The following SYNE1 variants were observed in gnomAD, a reference collection of about 807,000 sequenced individuals.
SYNE1 encodes nesprin-1.
Under a neutral mutation model 1,111.0 loss-of-function variants are expected in SYNE1, and 616 were observed. The observed-to-expected ratio is 0.55, with a 90% CI of 0.52 to 0.59. The LOEUF (loss-of-function observed/expected upper bound fraction) is 0.59, where lower values mean the gene tolerates loss of function less well. SYNE1 is among the 20% of genes least tolerant of loss of function. The pLI is 0.00. For synonymous variants in SYNE1, 3,855 were observed against 3,825.8 expected, an observed-to-expected ratio of 1.01 and a Z score of -0.28; for missense variants, 10,006 against 10,417.0, an observed-to-expected ratio of 0.96 and a Z score of 1.72.
In SYNE1 at chr6:152,505,352, G is replaced by C; in HGVS notation, c.627C>G (p.Ser209Arg). The C allele has an allele frequency of 1.2e-6, 2 of 1,613,982 alleles. No homozygotes were observed. Among genetic ancestry groups the C allele is most frequent in the Non-Finnish European group, 1.7e-6 (2 of 1,179,990 alleles). The change falls in exon 9 of 146, where the codon AGC (serine) becomes AGG (arginine). Residue 209 changes from serine to arginine, a missense_variant. Ser to Arg is a moderately radical substitution (Grantham distance 110). Around this residue, in one of 7 missense-constraint regions of SYNE1, gnomAD observed 1,971 missense variants for 2,084.1 expected, o/e 0.95. Transcript: ENST00000367255. ...EVKDFGKSWRSGVAFHSVIHA... is the reference protein window; with the variant it reads ...EVKDFGKSWRRGVAFHSVIHA... ...GAATAACTGAATGAAAGGCAACCCC[G>C]CTTCTCCAACTCTTCCCAAAATCTT... is the stretch of plus-strand genomic sequence containing the variant.
Position 152,236,352 on chromosome 6 carries a change from T to C in SYNE1, c.20200-49A>G, listed in dbSNP as rs751702776. On this transcript the variant is annotated intron_variant, in intron 109 of 145. Coordinates refer to ENST00000367255, the MANE Select transcript of SYNE1 (RefSeq NM_182961.4). The stretch of plus-strand genomic sequence containing the variant: ...TAAAAGTTTGGATATGCAATTTTTG[T>C]CTTTAAGAATTATAATTTCTCTGGT... 12 of 1,375,904 alleles carry C rather than the reference T, an allele frequency of 8.7e-6. No individual in the cohort carries two copies. In the Admixed American group the frequency reaches 1.1e-4, roughly 12 times the overall value. 85.2% of individuals were successfully genotyped at this position (1,375,904 alleles called of 1,614,324 possible). A position where few individuals can be genotyped will look rare whatever the true frequency, so the allele number is the denominator to read the frequency against.
intron 22 of SYNE1, 37 bp from the exon 23 acceptor site, chr6:152,456,081 C>A: frequency 1.2e-6 from 2 of 1,601,458 alleles, no homozygotes; most frequent in Non-Finnish European, 8.5e-7. Flanking sequence ...ATGTTATTTA[C>A]AAGACAGAGT....
chr6:152,252,059 C>T (rs1273706844), intron 104 of SYNE1, among the ~76,000 whole-genome samples: 2 of 151,992 alleles, frequency 1.3e-5, no homozygotes, highest in East Asian at 3.9e-4. Context: ...GACCTGAGGT[C>T]GGGAGTTCGA....
Position 152,407,063 on chromosome 6 carries a change from C to T in SYNE1, c.6674G>A (p.Ser2225Asn). The T allele has an allele frequency of 6.2e-7, 1 of 1,613,766 alleles. No homozygotes were observed. Among genetic ancestry groups the T allele is most frequent in the African/African-American group, 1.3e-5 (1 of 74,904 alleles). Residue 2225 changes from serine (S) to asparagine (N), a missense_variant, in exon 45 of 146, where the codon AGC (serine) becomes AAC (asparagine). Physicochemically the swap from Ser to Asn is conservative, Grantham distance 46. Transcript: ENST00000367255. Reference protein sequence around the residue: ...NCVPQMAENISNLDNHLRAEE... With the variant: ...NCVPQMAENINNLDNHLRAEE... The stretch of plus-strand genomic sequence containing the variant: ...AGCTCTGAGGTGGTTATCCAGGTTG[C>T]TGATGTTTTCTGCCATCTGTGGAAC...
intron 86 of SYNE1, among the ~76,000 whole-genome samples, chr6:152,317,234 CT>C (rs61399339): frequency 1.9e-3 from 255 of 135,826 alleles, no homozygotes; most frequent in African/African-American, 3.9e-3. Flanking sequence ...TTTCTTTTTT[CT>C]TTTTTTTTTT....
At chr6:152,366,043 C>T (rs2097070574) in intron 62 of SYNE1, among the ~76,000 whole-genome samples, 1 of 152,142 alleles carries the variant, frequency 6.6e-6, no homozygotes, top group African/African-American at 2.4e-5. Context: ...TTCTTAAAAA[C>T]TTGGTTTTGC....
chr6:152,266,143 A>G (rs1394364281), intron 100 of SYNE1, among the ~76,000 whole-genome samples: 1 of 152,186 alleles, frequency 6.6e-6, no homozygotes, highest in Non-Finnish European at 1.5e-5. Flanking sequence ...TGGATCTTAT[A>G]TAGAAAGCCA....
At chr6:152,625,774 T>C (rs1037862224) in intron 3 of SYNE1, among the ~76,000 whole-genome samples, 1 of 152,090 alleles carries the variant, frequency 6.6e-6, no homozygotes, top group Non-Finnish European at 1.5e-5. Context: ...GTTAGAAAAA[T>C]TTGCAGGAAA....
chr6:152,499,858 C>T (rs367896200), intron 10 of SYNE1, among the ~76,000 whole-genome samples: 55 of 152,086 alleles, frequency 3.6e-4, no homozygotes, highest in African/African-American at 1.2e-3. Flanking sequence ...ATTTTTTTAA[C>T]GACCAGAATT....
intron 142 of SYNE1, chr6:152,134,512 T>C (rs2056601035): frequency 6.5e-6 from 1 of 153,416 alleles, no homozygotes; most frequent in Non-Finnish European, 1.4e-5. Context: ...CTACTAAAAA[T>C]ACAAACATTA....
At chr6:152,414,143 C>G (rs958959046) in intron 41 of SYNE1, among the ~76,000 whole-genome samples, 2 of 151,912 alleles carry the variant, frequency 1.3e-5, no homozygotes, top group Non-Finnish European at 2.9e-5. Flanking sequence ...GTGGCTCATG[C>G]CCATAATCTC....
At chr6:152,437,624 T>C in intron 32 of SYNE1, among the ~76,000 whole-genome samples, 1 of 152,152 alleles carries the variant, frequency 6.6e-6, no homozygotes, top group East Asian at 1.9e-4. Flanking sequence ...AAATATTAGA[T>C]GTTACCTGAA....
Position 152,505,330 on chromosome 6 carries a change from T to G in SYNE1, c.649A>C (p.Ile217Leu), listed in dbSNP as rs368859645. 5.6e-6 allele frequency: 9 copies of G among 1,614,116 alleles called. No individual in the cohort carries two copies. The highest frequency in any genetic ancestry group is 7.6e-6 in the Non-Finnish European group (9 of 1,180,020). ...ACCAATTCCGGTCGAATGGCATGAA[T>G]AACTGAATGAAAGGCAACCCCGCTT... ...WRSGVAFHSV[I>L]HAIRPELVDL... The change falls in exon 9 of 146, where the codon ATT becomes CTT. Residue 217 changes from isoleucine (I) to leucine (L), a missense_variant. Transcript: ENST00000367255.
chr6:152,605,017 AGAGAGAGAGAGAGAGAGAGG>A (rs2099609451), intron 3 of SYNE1, among the ~76,000 whole-genome samples: 1 of 65,386 alleles, frequency 1.5e-5, no homozygotes, highest in African/African-American at 7.4e-5. Flanking sequence ...AGAGAGAGAG[AGAGAGAGAGAGAGAGAGAGG>A]GAGGGAGGGA....
At chr6:152,259,889 T>G (rs2091684256) in intron 101 of SYNE1, among the ~76,000 whole-genome samples, 1 of 152,076 alleles carries the variant, frequency 6.6e-6, no homozygotes, top group African/African-American at 2.4e-5. Context: ...GAACATTCAA[T>G]GCTTTTATTT....
intron 67 of SYNE1, 74 bp downstream of exon 67, chr6:152,354,585 A>C: frequency 6.4e-7 from 1 of 1,574,538 alleles, no homozygotes; most frequent in South Asian, 1.1e-5. Context: ...AAAAGTTACT[A>C]AATATCTTAA....
At chr6:152,531,328 T>C (rs1483547191) in intron 4 of SYNE1, among the ~76,000 whole-genome samples, 2 of 152,120 alleles carry the variant, frequency 1.3e-5, no homozygotes, top group Non-Finnish European at 2.9e-5. Context: ...GAGTAAATGA[T>C]AAGTGCTGAG....
At chr6:152,291,300 T>G (rs991540239) in intron 95 of SYNE1, among the ~76,000 whole-genome samples, 1 of 149,052 alleles carries the variant, frequency 6.7e-6, no homozygotes, top group Non-Finnish European at 1.5e-5. Context: ...TATTAATATA[T>G]TTTCTCTCTT....
chr6:152,132,873 ATTT>A (rs11360288), intron 143 of SYNE1, among the ~76,000 whole-genome samples: 69 of 146,334 alleles, frequency 4.7e-4, no homozygotes, highest in African/African-American at 1.7e-3. Flanking sequence ...CTGTTTTTTA[ATTT>A]TTTTTTTTTT....
Sources: gnomAD v4.1 joint callset for allele counts (sites outside exome capture counted in the v4.1 genomes callset) on GRCh38, gnomAD v4.1.1 for gene constraint, gnomAD v4.1.1 regional missense constraint, MANE v1.5 for transcripts, NCBI Gene and HGNC (gene_info 2026-07-23, HGNC 2026-07-21) for gene names.